PARD3B: variants seen among roughly 807,000 people sequenced by gnomAD.
PARD3B encodes the protein par-3 family cell polarity regulator beta.
A neutral mutation model predicts 130.2 loss-of-function variants in PARD3B; 103 were observed. That is an observed-to-expected ratio of 0.79 (90% CI 0.67 to 0.93). The LOEUF (loss-of-function observed/expected upper bound fraction) is 0.93. Among genes scored for constraint, PARD3B ranks in the 40% least tolerant of loss-of-function variants. PARD3B has a pLI of 0.00. For missense variants in PARD3B, 1,609 were observed against 1,499.2 expected, an observed-to-expected ratio of 1.07 and a Z score of -1.21; for synonymous variants, 583 against 553.2, an observed-to-expected ratio of 1.05 and a Z score of -0.76.
chr2:204,777,368 TG>T (rs2041663587), intron 2 of PARD3B, among the ~76,000 whole-genome samples: 1 of 152,166 alleles, frequency 6.6e-6, no homozygotes, highest in Admixed American at 6.5e-5. Flanking sequence ...ATGTGTATGT[TG>T]GGGCTGTGGG....
chr2:204,864,723 A>G (rs1447148233), intron 2 of PARD3B, among the ~76,000 whole-genome samples: 1 of 152,176 alleles, frequency 6.6e-6, no homozygotes, highest in Non-Finnish European at 1.5e-5. Context: ...GTAAACTTTG[A>G]GACAGAGGAC....
intron 1 of PARD3B, among the ~76,000 whole-genome samples, chr2:204,588,552 G>A (rs1231585610): frequency 6.6e-6 from 1 of 152,054 alleles, no homozygotes; most frequent in Non-Finnish European, 1.5e-5. Context: ...CTACATCATT[G>A]TATTTGGTAA....
chr2:204,931,744 A>G (rs1210914490), intron 2 of PARD3B, among the ~76,000 whole-genome samples: 2 of 151,964 alleles, frequency 1.3e-5, no homozygotes, highest in African/African-American at 4.8e-5. Context: ...ATTCACATAA[A>G]TCCTCTTTGG....
rs938924549 is a variant in PARD3B, at chr2:205,590,319, G to A, written c.3261-25137G>A. Among the ~76,000 whole-genome samples the A allele has an allele frequency of 6.6e-6, 1 of 151,986 alleles. No individual in the cohort carries two copies. The highest frequency in any genetic ancestry group is 1.5e-5 in the Non-Finnish European group (1 of 67,992). ...GACTGTTTTCTTCATTGTTGGCTTT[G>A]CTCTCAGGCACGCTCTTCCACCATG... On this transcript the variant is annotated intron_variant, in intron 22 of 22. Coordinates refer to ENST00000406610, the MANE Select transcript of PARD3B (RefSeq NM_001302769.2). The surrounding 1 kb of genome is among the most constrained non-coding windows in gnomAD (Gnocchi z 4.1).
At chr2:205,329,930 G>T (rs1321065361) in intron 18 of PARD3B, among the ~76,000 whole-genome samples, 1 of 151,920 alleles carries the variant, frequency 6.6e-6, no homozygotes, top group Non-Finnish European at 1.5e-5. Flanking sequence ...TGGGGCGGAG[G>T]TTGCAGTGAG....
intron 21 of PARD3B, among the ~76,000 whole-genome samples, chr2:205,551,278 T>C (rs1397331385): frequency 6.6e-6 from 1 of 151,658 alleles, no homozygotes; most frequent in Admixed American, 6.6e-5. Flanking sequence ...AGAAATAGTT[T>C]AAAAACACAA....
rs1022709375 is a variant in PARD3B, at chr2:204,992,487, AG to A, written c.394+27165del. 2.5e-3 allele frequency among the ~76,000 whole-genome samples: 370 copies of A among 146,492 alleles called. 7 individuals are homozygous for A. Among genetic ancestry groups the A allele is most frequent in the Non-Finnish European group, 3.1e-3 (204 of 66,728 alleles). On this transcript the variant is annotated intron_variant, in intron 3 of 22. Coordinates refer to ENST00000406610, the MANE Select transcript of PARD3B (RefSeq NM_001302769.2). ...GCTGTTTTGGTTACTGTAGCCTTGT[AG>A]TATAGTTTGAAGTCAAGTAGTGTGA...
chr2:204,848,349 G>A (rs563940250), intron 2 of PARD3B, among the ~76,000 whole-genome samples: 50 of 152,070 alleles, frequency 3.3e-4, no homozygotes, highest in Non-Finnish European at 7.1e-4. Context: ...TAAGTGTAGG[G>A]TTTTAATTTG....
intron 21 of PARD3B, among the ~76,000 whole-genome samples, chr2:205,551,600 A>G (rs1484735673): frequency 6.6e-6 from 1 of 152,056 alleles, no homozygotes; most frequent in East Asian, 1.9e-4. Flanking sequence ...TATAGGACAC[A>G]CTCTAAAGGT....
intron 20 of PARD3B, among the ~76,000 whole-genome samples, chr2:205,456,843 T>C (rs2048292602): frequency 6.7e-6 from 1 of 149,760 alleles, no homozygotes; most frequent in African/African-American, 2.4e-5. Flanking sequence ...TATAATCATT[T>C]AATAAATACT....
At chr2:204,873,970 C>G (rs1158694646) in intron 2 of PARD3B, among the ~76,000 whole-genome samples, 3 of 152,042 alleles carry the variant, frequency 2.0e-5, no homozygotes, top group Non-Finnish European at 4.4e-5. Context: ...TGGTGAAACC[C>G]CATCTCTACT....
chr2:205,246,397 C>G (rs1366473411), intron 16 of PARD3B, among the ~76,000 whole-genome samples: 1 of 152,098 alleles, frequency 6.6e-6, no homozygotes, highest in Non-Finnish European at 1.5e-5. Flanking sequence ...GTTACCTTCA[C>G]TCCTAAAATC....
chr2:204,731,598 C>T (rs2039511000), intron 2 of PARD3B, among the ~76,000 whole-genome samples: 1 of 152,062 alleles, frequency 6.6e-6, no homozygotes, highest in South Asian at 2.1e-4. Flanking sequence ...TGGATTTGTT[C>T]AGTAGAGAAC....
intron 3 of PARD3B, among the ~76,000 whole-genome samples, chr2:205,029,691 A>C (rs1697290991): frequency 6.6e-6 from 1 of 152,150 alleles, no homozygotes; most frequent in Admixed American, 6.6e-5. Context: ...TTTGGGGGTC[A>C]AGGACTATGT....
intron 3 of PARD3B, among the ~76,000 whole-genome samples, chr2:205,036,718 A>G (rs1273364184): frequency 6.9e-6 from 1 of 145,890 alleles, no homozygotes. Context: ...AAATATATAT[A>G]CACAGCGGAC....
intron 1 of PARD3B, among the ~76,000 whole-genome samples, chr2:204,666,771 G>T (rs1181895302): frequency 6.6e-6 from 1 of 152,140 alleles, no homozygotes; most frequent in Non-Finnish European, 1.5e-5. Flanking sequence ...TGGGCATGTA[G>T]GTTTAGGCAT....
chr2:204,567,223 G>A (rs542790846), intron 1 of PARD3B, among the ~76,000 whole-genome samples: 7 of 151,826 alleles, frequency 4.6e-5, no homozygotes, highest in African/African-American at 9.7e-5. Context: ...TCGTTAAAAC[G>A]TACATAACAT....
chr2:205,310,619 CT>C (rs2042347568), intron 18 of PARD3B, among the ~76,000 whole-genome samples: 1 of 151,774 alleles, frequency 6.6e-6, no homozygotes, highest in South Asian at 2.1e-4. Flanking sequence ...GCTTATTTCA[CT>C]TACATAATGT....
At chr2:204,911,832 G>T (rs1489688524) in intron 2 of PARD3B, among the ~76,000 whole-genome samples, 2 of 152,008 alleles carry the variant, frequency 1.3e-5, no homozygotes, top group Non-Finnish European at 2.9e-5. Context: ...CCCAGTGTAT[G>T]CATATATGAA....
Sources: allele counts gnomAD v4.1 joint callset (sites outside exome capture counted in the v4.1 genomes callset), GRCh38; gene constraint gnomAD v4.1.1; non-coding constraint Gnocchi (gnomAD v3.1); transcripts MANE v1.5; gene names NCBI Gene and HGNC (gene_info 2026-07-23, HGNC 2026-07-21).